Variants in KCNH6 observed in about 807,000 individuals in gnomAD.
The protein encoded by KCNH6 is potassium voltage-gated channel subfamily H member 6.
KCNH6 carries 81 observed loss-of-function variants against 83.4 expected under a neutral mutation model. The ratio of observed to expected loss-of-function variants is 0.97; its 90% CI spans 0.81 to 1.17. The LOEUF (loss-of-function observed/expected upper bound fraction) is 1.17, where lower values mean the gene tolerates loss of function less well. Among genes scored for constraint, KCNH6 ranks in the 50% most tolerant of loss-of-function variants. The pLI is 0.00. For synonymous variants in KCNH6, 503 were observed against 545.6 expected, an observed-to-expected ratio of 0.92 and a Z score of 1.09; for missense variants, 1,203 against 1,290.5, an observed-to-expected ratio of 0.93 and a Z score of 1.04.
intron 4 of KCNH6, among the ~76,000 whole-genome samples, chr17:63,531,801 G>A (rs2032132364): frequency 6.6e-6 from 1 of 152,188 alleles, no homozygotes; most frequent in South Asian, 2.1e-4. Flanking sequence ...AGCCAGGCCT[G>A]GCTGGGCCCA....
Position 63,535,128 on chromosome 17 carries a change from C to A in KCNH6, c.1102-541C>A, listed in dbSNP as rs188289274. Among the ~76,000 whole-genome samples, 217 of 152,328 alleles carry A rather than the reference C, an allele frequency of 1.4e-3. No individual in the cohort carries two copies. Among genetic ancestry groups the A allele is most frequent in the Non-Finnish European group, 2.6e-3 (176 of 68,030 alleles). ...ATTTTCAGTGGCTTCCCAAGGCCTA[C>A]AGACTAGAAGCCAAGTTCATGATGG... is the stretch of plus-strand genomic sequence containing the variant. On this transcript the variant is annotated intron_variant, in intron 5 of 12. Coordinates refer to ENST00000314672, the MANE Select transcript of KCNH6 (RefSeq NM_001278919.2). This position sits in a 1 kb window ranked among gnomAD's most constrained non-coding sequence, Gnocchi z 4.9.
intron 10 of KCNH6, chr17:63,544,037 G>T (rs1430929465): frequency 6.3e-7 from 1 of 1,580,072 alleles, no homozygotes; most frequent in Non-Finnish European, 8.6e-7. Flanking sequence ...TGGGGCCCCA[G>T]TTCCCCTCTA....
At chr17:63,545,344 C>A in intron 12 of KCNH6, 80 bp downstream of exon 12, 2 of 1,421,274 alleles carry the variant, frequency 1.4e-6, no homozygotes, top group Non-Finnish European at 9.7e-7. Flanking sequence ...CACAGTGCAG[C>A]ATCAGGCCCA....
downstream of KCNH6, among the ~76,000 whole-genome samples, chr17:63,546,980 G>A (rs926730715): frequency 6.6e-5 from 10 of 152,130 alleles, no homozygotes; most frequent in African/African-American, 1.9e-4. Flanking sequence ...CACTCGCCCC[G>A]TACCAGGCAC....
rs1381682792 is a variant in KCNH6, at chr17:63,546,069, C to T, written c.*167C>T. On this transcript the variant is annotated 3_prime_UTR_variant, in exon 13 of 13. Transcript: ENST00000314672. ...CTAACACGGTGAAACCCCACCTCTA[C>T]TAAAATTAAAAAAGAAAAAAAATAG... is the stretch of plus-strand genomic sequence containing the variant. 3 of 596,222 alleles carry T rather than the reference C, an allele frequency of 5.0e-6. No individual in the cohort carries two copies. Among genetic ancestry groups the T allele is most frequent in the Admixed American group, 6.0e-5 (2 of 33,166 alleles). The allele number at this position is 596,222 out of a possible 1,614,324, so 36.9% of individuals were successfully genotyped here.
intron 2 of KCNH6, among the ~76,000 whole-genome samples, chr17:63,525,867 G>A (rs2031677093): frequency 6.6e-6 from 1 of 152,200 alleles, no homozygotes; most frequent in Non-Finnish European, 1.5e-5. Flanking sequence ...GTGGCAGTCA[G>A]GGGAGTGAGA....
At chr17:63,526,830 A>G (rs1363220526) in intron 2 of KCNH6, among the ~76,000 whole-genome samples, 1 of 152,188 alleles carries the variant, frequency 6.6e-6, no homozygotes, top group Non-Finnish European at 1.5e-5. Context: ...TTGTGCAGCT[A>G]CAGACATTTG....
rs1369449992 is a variant in KCNH6 at position 63,543,564 on chromosome 17, G to C, written c.2149-12G>C. 17 of 1,591,364 alleles carry C rather than the reference G, an allele frequency of 1.1e-5. No individual in the cohort carries two copies. The highest frequency in any genetic ancestry group is 1.4e-5 in the Non-Finnish European group (16 of 1,159,634). On this transcript the variant is annotated splice_polypyrimidine_tract_variant and intron_variant, in intron 9 of 12. Transcript: ENST00000314672. ...TTGGTTCCTGTTATTTCACCCTCTT[G>C]CTTCCCATAAGGCAGCCGGGGGTCT... is the stretch of plus-strand genomic sequence containing the variant.
At chr17:63,536,166 C>A in intron 6 of KCNH6, 98 bp downstream of exon 6, 3 of 1,101,628 alleles carry the variant, frequency 2.7e-6, no homozygotes, top group Non-Finnish European at 4.0e-6. Flanking sequence ...TAACACATAG[C>A]AACAATTCAT....
At position 63,534,381 on chromosome 17, in the gene KCNH6, G is replaced by A; in HGVS notation, c.1101+70G>A. 1 of 1,437,554 alleles carries A rather than the reference G, an allele frequency of 7.0e-7. No individual in the cohort carries two copies. The highest frequency in any genetic ancestry group is 9.5e-7 in the Non-Finnish European group (1 of 1,051,038). 89.0% of individuals were successfully genotyped at this position (1,437,554 alleles called of 1,614,324 possible). On this transcript the variant is annotated intron_variant, in intron 5 of 12. Coordinates refer to ENST00000314672, the MANE Select transcript of KCNH6 (RefSeq NM_001278919.2). This position sits in a 1 kb window ranked among gnomAD's most constrained non-coding sequence, Gnocchi z 5.0. ...ACGCTGGCCTCAAGCCCTCCCTGCT[G>A]CACAGCACTGGGTGCGGAGAGTATC...
intron 4 of KCNH6, among the ~76,000 whole-genome samples, chr17:63,530,969 C>CTT (rs1320539033): frequency 6.6e-6 from 1 of 152,208 alleles, no homozygotes; most frequent in Non-Finnish European, 1.5e-5. Flanking sequence ...TGTGCCAGCC[C>CTT]TTTGCCTTTG....
intron 4 of KCNH6, among the ~76,000 whole-genome samples, chr17:63,530,942 G>A (rs115885486): frequency 2.0e-5 from 3 of 151,080 alleles, no homozygotes; most frequent in Non-Finnish European, 4.4e-5. Flanking sequence ...AGCTGGTGTG[G>A]GGGGGGGTCC....
chr17:63,530,547 G>C lies in KCNH6; in HGVS notation c.675+5G>C, dbSNP rs371798322. On this transcript the variant is annotated splice_donor_5th_base_variant and intron_variant, in intron 4 of 12. Coordinates refer to ENST00000314672, the MANE Select transcript of KCNH6 (RefSeq NM_001278919.2). ...GTCACTGAGAAGGTCACCCAGGTGC[G>C]GGCCTGCAGAGCAGGGTGTGCAGAG... 2 of 1,613,702 alleles carry C rather than the reference G, an allele frequency of 1.2e-6. No individual in the cohort carries two copies. Among genetic ancestry groups the C allele is most frequent in the South Asian group, 1.1e-5 (1 of 91,040 alleles).
intron 6 of KCNH6, among the ~76,000 whole-genome samples, chr17:63,537,021 G>T (rs1046710492): frequency 7.3e-5 from 11 of 151,388 alleles, no homozygotes; most frequent in Non-Finnish European, 8.8e-5. Flanking sequence ...CAAATGCAGG[G>T]CTCTTAGCAT....
At chr17:63,528,601 A>G (rs1324940161) in intron 2 of KCNH6, among the ~76,000 whole-genome samples, 4 of 152,162 alleles carry the variant, frequency 2.6e-5, no homozygotes, top group South Asian at 2.1e-4. Flanking sequence ...GTGGGCTTCC[A>G]TACATTCAGT....
rs1215027692 is a variant in KCNH6 at position 63,534,698 on chromosome 17, C to T, written c.1101+387C>T. On this transcript the variant is annotated intron_variant, in intron 5 of 12. Transcript: ENST00000314672. This position sits in a 1 kb window ranked among gnomAD's most constrained non-coding sequence, Gnocchi z 5.0. ...CTGGCTCCCACCTTGCTCCCTAGCCCTCCACTATGTCCACCTGGCTGCCCA... is the reference window on the plus strand; with the variant it reads ...CTGGCTCCCACCTTGCTCCCTAGCCTTCCACTATGTCCACCTGGCTGCCCA... Among the ~76,000 whole-genome samples, 1 of 152,190 alleles carries T rather than the reference C, an allele frequency of 6.6e-6. No individual in the cohort carries two copies. Among genetic ancestry groups the T allele is most frequent in the African/African-American group, 2.4e-5 (1 of 41,436 alleles).
In KCNH6 at chr17:63,533,848, C is replaced by T; in HGVS notation, c.676-38C>T. Reference sequence around the variant, plus strand: ...TCTAGGCCAGTCTCACCAGCAGTGGCTGCCCCGTGCCTGACCTCCCTCGGC... The same window carrying T: ...TCTAGGCCAGTCTCACCAGCAGTGGTTGCCCCGTGCCTGACCTCCCTCGGC... On this transcript the variant is annotated intron_variant, in intron 4 of 12. Transcript: ENST00000314672. This position sits in a 1 kb window ranked among gnomAD's most constrained non-coding sequence, Gnocchi z 4.1. 2 of 1,581,330 alleles carry T rather than the reference C, an allele frequency of 1.3e-6. No individual in the cohort carries two copies. Among genetic ancestry groups the T allele is most frequent in the African/African-American group, 2.7e-5 (2 of 74,736 alleles).
intron 2 of KCNH6, 102 bp downstream of exon 2, chr17:63,524,471 G>A (rs2031567642): frequency 2.2e-6 from 2 of 927,818 alleles, no homozygotes; most frequent in Non-Finnish European, 3.4e-6. Flanking sequence ...GGTCCAAAGG[G>A]CCTGAACAAA....
rs35082378 is a variant in KCNH6, at chr17:63,524,152, G to T, written c.90G>T (p.Leu30=). Residue 30 remains leucine (L), a synonymous_variant, in exon 2 of 13, where the codon CTG becomes CTT. Coordinates refer to ENST00000314672, the MANE Select transcript of KCNH6 (RefSeq NM_001278919.2). Reference sequence around the variant, plus strand: ...CTCCCACCCCAGGTCGGAAGTTCCTGATTGCCAATGCTCAGATGGAGAACT... The same window carrying T: ...CTCCCACCCCAGGTCGGAAGTTCCTTATTGCCAATGCTCAGATGGAGAACT... ...RKFEGQSRKF[L]IANAQMENCA... The T allele has an allele frequency of 2.4e-3, 3,808 of 1,613,558 alleles. 85 individuals are homozygous for T. The African/African-American group carries it at 0.046, about 20-fold the overall frequency.
Sources: allele counts gnomAD v4.1 joint callset (sites outside exome capture counted in the v4.1 genomes callset), GRCh38; gene constraint gnomAD v4.1.1; non-coding constraint Gnocchi (gnomAD v3.1); transcripts MANE v1.5; gene names NCBI Gene and HGNC (gene_info 2026-07-23, HGNC 2026-07-21).